The following FNDC3B variants were observed in gnomAD, a reference collection of about 807,000 sequenced individuals.
FNDC3B encodes the protein fibronectin type III domain-containing protein 3B.
A neutral mutation model predicts 151.5 loss-of-function variants in FNDC3B; 12 were observed. The observed-to-expected ratio is 0.08, with a 90% CI of 0.05 to 0.13. The LOEUF is 0.13. Among genes scored for constraint, FNDC3B ranks in the 10% least tolerant of loss-of-function variants. The probability of loss-of-function intolerance (pLI) is 1.00; values close to 1 mark genes in which losing one functional copy is unlikely to be tolerated. For missense variants in FNDC3B, 1,214 were observed against 1,505.3 expected (o/e 0.81, Z 3.20); for synonymous variants, 528 against 549.0 (o/e 0.96, Z 0.54).
chr3:172,392,048 G>A (rs910814543), intron 25 of FNDC3B, among the ~76,000 whole-genome samples: 4 of 152,172 alleles, frequency 2.6e-5, no homozygotes, highest in Non-Finnish European at 5.9e-5. Context: ...TTACAGTGAG[G>A]CAGTTTCCTT....
intron 5 of FNDC3B, among the ~76,000 whole-genome samples, chr3:172,248,871 AT>A (rs144209083): frequency 1.8e-4 from 27 of 149,746 alleles, no homozygotes; most frequent in South Asian, 1.1e-3. Context: ...TGTTTTGTTT[AT>A]TTTTTTTTGT....
At chr3:172,145,443 G>A (rs1431838037) in intron 3 of FNDC3B, among the ~76,000 whole-genome samples, 1 of 152,134 alleles carries the variant, frequency 6.6e-6, no homozygotes, top group Admixed American at 6.6e-5. Flanking sequence ...ATTAAAGTGG[G>A]TATACGCATA....
At chr3:172,202,006 G>A (rs921887178) in intron 3 of FNDC3B, among the ~76,000 whole-genome samples, 9 of 152,158 alleles carry the variant, frequency 5.9e-5, no homozygotes, top group African/African-American at 2.2e-4. Flanking sequence ...AGAATATTAT[G>A]TATATATGAT....
chr3:172,057,782 C>A (rs1487485951), intron 1 of FNDC3B, among the ~76,000 whole-genome samples: 1 of 151,092 alleles, frequency 6.6e-6, no homozygotes, highest in Non-Finnish European at 1.5e-5. Context: ...ATGCCTTGGG[C>A]CATGTTAATA....
chr3:172,102,108 C>CTTGGGT (rs1157862929), intron 1 of FNDC3B, among the ~76,000 whole-genome samples: 1 of 152,126 alleles, frequency 6.6e-6, no homozygotes, highest in Non-Finnish European at 1.5e-5. Flanking sequence ...AGCTCTTCTA[C>CTTGGGT]TTGGGTTTTG....
At chr3:172,256,303 C>G (rs1442838844) in intron 6 of FNDC3B, among the ~76,000 whole-genome samples, 1 of 152,212 alleles carries the variant, frequency 6.6e-6, no homozygotes, top group African/African-American at 2.4e-5. Context: ...CTGCCTGTCT[C>G]TCCAACATAT....
At chr3:172,066,697 GA>G (rs1289525911) in intron 1 of FNDC3B, among the ~76,000 whole-genome samples, 3 of 152,186 alleles carry the variant, frequency 2.0e-5, no homozygotes, top group Admixed American at 2.0e-4. Flanking sequence ...GGAGTTAGAA[GA>G]ACATTAACAA....
At chr3:172,083,379 A>G (rs908019076) in intron 1 of FNDC3B, among the ~76,000 whole-genome samples, 1 of 152,240 alleles carries the variant, frequency 6.6e-6, no homozygotes, top group African/African-American at 2.4e-5. Flanking sequence ...GCTGAGGAAC[A>G]CTGAACTCGG....
intron 3 of FNDC3B, among the ~76,000 whole-genome samples, chr3:172,143,864 G>A (rs1426574920): frequency 6.6e-6 from 1 of 151,756 alleles, no homozygotes; most frequent in African/African-American, 2.4e-5. Context: ...AGCCGAGATC[G>A]TGCCACTGCA....
At chr3:172,210,507 A>G (rs545683275) in intron 3 of FNDC3B, among the ~76,000 whole-genome samples, 6 of 152,142 alleles carry the variant, frequency 3.9e-5, no homozygotes, top group Admixed American at 2.6e-4. Context: ...ATGTCTGGCT[A>G]ATTTTTTATT....
chr3:172,309,312 C>T (rs138144266), intron 10 of FNDC3B, among the ~76,000 whole-genome samples: 3 of 152,258 alleles, frequency 2.0e-5, no homozygotes, highest in East Asian at 3.9e-4. Context: ...TCTTTTTGTT[C>T]GTCAGCAACA....
rs1727756799 is a variant in FNDC3B at position 172,246,026 on chromosome 3, T to C, written c.265-1507T>C. Among the ~76,000 whole-genome samples, 3 of 152,208 alleles carry C rather than the reference T, an allele frequency of 2.0e-5. No homozygotes were observed. In the South Asian group the frequency reaches 6.2e-4, roughly 32 times the overall value. On this transcript the variant is annotated intron_variant, in intron 4 of 25. Coordinates refer to ENST00000415807, the MANE Select transcript of FNDC3B (RefSeq NM_022763.4). Reference sequence around the variant, plus strand: ...ACATTGATAGACTTGCCAATCTGTCTTAAGCACTACTTTTAAAATATGAAG... The same window carrying C: ...ACATTGATAGACTTGCCAATCTGTCCTAAGCACTACTTTTAAAATATGAAG...
At chr3:172,214,179 T>C (rs1224362960) in intron 3 of FNDC3B, among the ~76,000 whole-genome samples, 2 of 152,156 alleles carry the variant, frequency 1.3e-5, no homozygotes, top group African/African-American at 2.4e-5. Flanking sequence ...CCTAACCTAT[T>C]TGTAGTTGTT....
intron 1 of FNDC3B, among the ~76,000 whole-genome samples, chr3:172,041,960 G>T (rs1482198415): frequency 1.3e-5 from 2 of 151,946 alleles, no homozygotes; most frequent in African/African-American, 4.8e-5. Context: ...ATACCAGAGG[G>T]GCACCCACAG....
chr3:172,203,587 C>T (rs1181724922), intron 3 of FNDC3B, among the ~76,000 whole-genome samples: 2 of 152,110 alleles, frequency 1.3e-5, no homozygotes, highest in Admixed American at 6.5e-5. Flanking sequence ...GGAGGTTTGC[C>T]CTTTGATTTG....
chr3:172,154,390 A>G (rs1576915025), intron 3 of FNDC3B, among the ~76,000 whole-genome samples: 1 of 151,940 alleles, frequency 6.6e-6, no homozygotes, highest in Non-Finnish European at 1.5e-5. Context: ...TAATTTTTGT[A>G]TTTTTAGTAG....
At chr3:172,267,465 T>C (rs933510384) in intron 6 of FNDC3B, among the ~76,000 whole-genome samples, 5 of 152,144 alleles carry the variant, frequency 3.3e-5, no homozygotes, top group African/African-American at 1.2e-4. Context: ...CTATGCACAG[T>C]AAATTAAGCT....
At chr3:172,205,275 T>C (rs1225709655) in intron 3 of FNDC3B, among the ~76,000 whole-genome samples, 2 of 152,108 alleles carry the variant, frequency 1.3e-5, no homozygotes, top group Non-Finnish European at 2.9e-5. Flanking sequence ...TTACTGGAAA[T>C]ATAACAGGAA....
At position 172,364,549 on chromosome 3, in the gene FNDC3B, C is replaced by T. The variant is rs1734517583; in HGVS notation, c.3008+1704C>T. Reference sequence around the variant, plus strand: ...AAGGGCACCCCCTCTTGCTGCAATCCTGCCCTGTGTGGGGCAGCAGCCCAC... The same window carrying T: ...AAGGGCACCCCCTCTTGCTGCAATCTTGCCCTGTGTGGGGCAGCAGCCCAC... On this transcript the variant is annotated intron_variant, in intron 23 of 25. Transcript: ENST00000415807. 3.3e-5 allele frequency among the ~76,000 whole-genome samples: 5 copies of T among 152,200 alleles called. No homozygotes were observed. The South Asian group carries it at 1.0e-3, about 31-fold the overall frequency.
Sources: gnomAD v4.1 joint callset for allele counts (sites outside exome capture counted in the v4.1 genomes callset) on GRCh38, gnomAD v4.1.1 for gene constraint, MANE v1.5 for transcripts, NCBI Gene and HGNC (gene_info 2026-07-23, HGNC 2026-07-21) for gene names.